WDR83: variants seen among roughly 807,000 people sequenced by gnomAD.
The protein encoded by WDR83 is WD repeat domain 83.
WDR83 carries 37 observed loss-of-function variants against 37.7 expected under a neutral mutation model. The observed-to-expected ratio is 0.98, with a 90% CI of 0.76 to 1.29. WDR83 has a LOEUF of 1.29. Ranked by LOEUF, WDR83 falls within the 50% of genes most tolerant of loss-of-function variation. The pLI, the probability that WDR83 is intolerant of heterozygous loss-of-function variation, is 0.00. For missense variants in WDR83, 445 were observed against 414.4 expected (o/e 1.07, Z -0.64); for synonymous variants, 174 against 181.1 (o/e 0.96, Z 0.31).
At chr19:12,668,201 C>A in intron 1 of WDR83, 1 of 703,760 alleles carries the variant, frequency 1.4e-6, no homozygotes, top group Non-Finnish European at 2.4e-6. Flanking sequence ...CTAGGGTGTT[C>A]CCTAGGAAAG....
intron 5 of WDR83, 47 bp from the exon 6 acceptor site, chr19:12,670,516 C>G: frequency 6.2e-7 from 1 of 1,613,948 alleles, no homozygotes; most frequent in Non-Finnish European, 8.5e-7. Flanking sequence ...GCCTTTATCC[C>G]AGTCCTCCAA....
At position 12,669,482 on chromosome 19, in the gene WDR83, GAGT is replaced by G. The variant is rs2024347678; in HGVS notation, c.-36-271_-36-269del. On this transcript the variant is annotated intron_variant, in intron 2 of 10. Transcript: ENST00000418543. ...GCGTGCAAGCTGAGGGCGGATTTTA[GAGT>G]AACACCCGAGGCCCTCGCATTTCCG... 9 of 1,517,442 alleles carry G rather than the reference GAGT, an allele frequency of 5.9e-6. No homozygotes were observed. In the East Asian group the frequency reaches 2.2e-4, roughly 37 times the overall value. 94.0% of individuals were successfully genotyped at this position (1,517,442 alleles called of 1,614,324 possible).
At chr19:12,667,714 G>A (rs899631754) in intron 1 of WDR83, among the ~76,000 whole-genome samples, 7 of 152,228 alleles carry the variant, frequency 4.6e-5, no homozygotes, top group Middle Eastern at 3.4e-3. Flanking sequence ...TCCCAGTTAC[G>A]TGGCAGGCTG....
intron 10 of WDR83, among the ~76,000 whole-genome samples, chr19:12,674,825 A>G (rs1350683772): frequency 1.3e-5 from 2 of 152,142 alleles, no homozygotes; most frequent in East Asian, 3.8e-4. Flanking sequence ...GTACAAGAAA[A>G]AGACTCCCGG....
chr19:12,669,557 T>C, intron 2 of WDR83, 198 bp from the exon 3 acceptor site: 1 of 1,029,224 alleles, frequency 9.7e-7, no homozygotes, highest in Non-Finnish European at 1.4e-6. Context: ...AGAACGGAGA[T>C]TTAGGAGAAG....
intron 7 of WDR83, chr19:12,672,219 G>T: frequency 6.5e-6 from 1 of 154,412 alleles, no homozygotes. Flanking sequence ...GCTGTGGGGG[G>T]TGCAGGGAGA....
intron 7 of WDR83, 119 bp from the exon 8 acceptor site, chr19:12,672,728 C>A (rs1184697550): frequency 1.9e-6 from 2 of 1,068,834 alleles, no homozygotes; most frequent in East Asian, 2.6e-5. Flanking sequence ...AAGGCCAGAG[C>A]TTCAGAATTC....
At position 12,667,005 on chromosome 19, in the gene WDR83, G is replaced by A; in HGVS notation, c.-157+13G>A. The A allele has an allele frequency of 2.0e-6, 1 of 489,628 alleles. No individual in the cohort carries two copies. Among genetic ancestry groups the A allele is most frequent in the Non-Finnish European group, 3.7e-6 (1 of 273,732 alleles). 30.3% of individuals were successfully genotyped at this position (489,628 alleles called of 1,614,324 possible). On this transcript the variant is annotated intron_variant, in intron 1 of 10. Transcript: ENST00000418543. ...CCTCTTAATGCCGGTAGGAGCAGAA[G>A]TGCTTTTCCTAAGGGGGCCGGGTTT...
intron 7 of WDR83, among the ~76,000 whole-genome samples, chr19:12,671,516 G>C (rs1012934759): frequency 4.0e-4 from 61 of 151,930 alleles, no homozygotes; most frequent in African/African-American, 1.4e-3. Context: ...GCCGGGCATA[G>C]TGGCAGGCGC....
chr19:12,668,366 G>A, intron 1 of WDR83, 142 bp from the exon 2 acceptor site: 2 of 1,612,544 alleles, frequency 1.2e-6, no homozygotes, highest in Non-Finnish European at 1.7e-6. Flanking sequence ...GTATCACCAT[G>A]GGGGCGTCAT....
At chr19:12,668,478 C>T (rs770344659) in intron 1 of WDR83, 30 bp from the exon 2 acceptor site, 1 of 1,613,158 alleles carries the variant, frequency 6.2e-7, no homozygotes, top group Non-Finnish European at 8.5e-7. Flanking sequence ...GGTCCCCCCA[C>T]CCCTTACTCA....
intron 1 of WDR83, chr19:12,667,923 C>T: frequency 5.8e-6 from 1 of 171,778 alleles, no homozygotes; most frequent in South Asian, 1.2e-4. Context: ...CTGTCTTGTC[C>T]CTAGCACCTG....
In WDR83 at chr19:12,670,387, C is replaced by A. The variant is rs1245131371; in HGVS notation, c.330+102C>A. ...CATTACACCGTAAGGATCCCTTCCCCAGATGACGATCCCCCACTCCGCATG... is the reference window on the plus strand; with the variant it reads ...CATTACACCGTAAGGATCCCTTCCCAAGATGACGATCCCCCACTCCGCATG... On this transcript the variant is annotated intron_variant, in intron 5 of 10. Coordinates refer to ENST00000418543, the MANE Select transcript of WDR83 (RefSeq NM_001099737.3). The A allele has an allele frequency of 6.0e-6, 9 of 1,509,646 alleles. No individual in the cohort carries two copies. The East Asian group carries it at 9.1e-5, about 15-fold the overall frequency. 93.5% of individuals were successfully genotyped at this position (1,509,646 alleles called of 1,614,324 possible). A position where few individuals can be genotyped will look rare whatever the true frequency, so the allele number is the denominator to read the frequency against.
At chr19:12,667,395 A>T (rs2024283593) in intron 1 of WDR83, among the ~76,000 whole-genome samples, 1 of 152,198 alleles carries the variant, frequency 6.6e-6, no homozygotes, top group Non-Finnish European at 1.5e-5. Context: ...CTGGTGAATC[A>T]CTTGGGCCTG....
intron 1 of WDR83, among the ~76,000 whole-genome samples, 189 bp downstream of exon 1, chr19:12,667,181 T>C (rs1021674296): frequency 2.6e-5 from 4 of 152,162 alleles, no homozygotes; most frequent in Non-Finnish European, 4.4e-5. Context: ...TAAATACCCC[T>C]GGAGTACCAG....
chr19:12,673,407 GATC>G, intron 10 of WDR83, 91 bp downstream of exon 10: 29 of 415,098 alleles, frequency 7.0e-5, no homozygotes, highest in East Asian at 1.1e-4. Flanking sequence ...TGAAGGCTAG[GATC>G]TTTTTTTTTT....
At chr19:12,669,253 CA>C (rs1336490807) in intron 2 of WDR83, 1 of 1,612,978 alleles carries the variant, frequency 6.2e-7, no homozygotes, top group African/African-American at 1.3e-5. Context: ...GCTCGAGGGT[CA>C]GGGGCGCTCA....
At chr19:12,668,914 C>G (rs1211665084) in intron 2 of WDR83, among the ~76,000 whole-genome samples, 1 of 152,164 alleles carries the variant, frequency 6.6e-6, no homozygotes, top group African/African-American at 2.4e-5. Flanking sequence ...TGGCCCCACT[C>G]GCAGACCAAT....
At chr19:12,673,392 G>A (rs1200187237) in intron 10 of WDR83, 76 bp downstream of exon 10, 2 of 825,170 alleles carry the variant, frequency 2.4e-6, no homozygotes, top group Non-Finnish European at 3.9e-6. Flanking sequence ...AGTCACTCCA[G>A]GGCCTGAAGG....
Sources: gnomAD v4.1 joint callset for allele counts (sites outside exome capture counted in the v4.1 genomes callset) on GRCh38, gnomAD v4.1.1 for gene constraint, MANE v1.5 for transcripts, NCBI Gene and HGNC (gene_info 2026-07-23, HGNC 2026-07-21) for gene names.